The following CADM2 variants were observed in gnomAD, a reference collection of about 807,000 sequenced individuals.
CADM2 encodes cell adhesion molecule 2.
In CADM2, 12 loss-of-function variants were observed where a neutral mutation model predicts 49.8. That is an observed-to-expected ratio of 0.24 (90% CI 0.15 to 0.39). The LOEUF (loss-of-function observed/expected upper bound fraction) is 0.39, where lower values mean the gene tolerates loss of function less well. Among genes scored for constraint, CADM2 ranks in the 10% least tolerant of loss-of-function variants. The pLI is 1.00. For missense variants in CADM2, 378 were observed against 492.3 expected, an observed-to-expected ratio of 0.77 and a Z score of 2.20; for synonymous variants, 214 against 175.4, an observed-to-expected ratio of 1.22 and a Z score of -1.74.
chr3:85,760,383 C>A (rs927711140), intron 2 of CADM2, among the ~76,000 whole-genome samples: 3 of 151,294 alleles, frequency 2.0e-5, no homozygotes, highest in African/African-American at 7.3e-5. Flanking sequence ...TGAGCAGTTG[C>A]TTTTCAATTT....
rs563994349 is a variant in CADM2, at chr3:85,628,659, A to G, written c.62-97863A>G. 1.3e-3 allele frequency among the ~76,000 whole-genome samples: 200 copies of G among 148,272 alleles called. 1 individual carries two copies. Among genetic ancestry groups the G allele is most frequent in the African/African-American group, 4.7e-3 (192 of 40,646 alleles). ...TATACATATATACACACACATATGT[A>G]TATGTGTATATATACACATATATAT... On this transcript the variant is annotated intron_variant, in intron 1 of 9. Transcript: ENST00000383699.
chr3:85,806,769 A>AAACAAAAC (rs1235991062), intron 3 of CADM2, among the ~76,000 whole-genome samples: 2 of 151,786 alleles, frequency 1.3e-5, no homozygotes, highest in Non-Finnish European at 2.9e-5. Context: ...CAAACAAAAC[A>AAACAAAAC]AACAAAAAGT....
At position 85,858,433 on chromosome 3, in the gene CADM2, T is replaced by C. The variant is rs578027276; in HGVS notation, c.239-24858T>C. Among the ~76,000 whole-genome samples the C allele has an allele frequency of 3.9e-5, 6 of 152,346 alleles. No individual in the cohort carries two copies. In the East Asian group the frequency reaches 1.2e-3, roughly 29 times the overall value. On this transcript the variant is annotated intron_variant, in intron 3 of 9. Coordinates refer to ENST00000383699, the MANE Select transcript of CADM2 (RefSeq NM_001167675.2). ...GCTTAAATTACTAAAAGTTGATGGC[T>C]TTCTAAAGTAAACTAACATTGCAGA...
At position 85,420,511 on chromosome 3, in the gene CADM2, T is replaced by C. The variant is rs139217596; in HGVS notation, c.62-306011T>C. On this transcript the variant is annotated intron_variant, in intron 1 of 9. Transcript: ENST00000383699. ...TGTATGTCCCATGGGGGAAAAAAAT[T>C]ATAGCCCCAACTACTCCTCTGGAGC... Among the ~76,000 whole-genome samples the C allele has an allele frequency of 8.3e-3, 1,268 of 152,270 alleles. 17 individuals are homozygous for C. The highest frequency in any genetic ancestry group is 0.028 in the African/African-American group (1,163 of 41,548).
chr3:85,504,049 G>C (rs1387775930), intron 1 of CADM2, among the ~76,000 whole-genome samples: 1 of 152,188 alleles, frequency 6.6e-6, no homozygotes, highest in Non-Finnish European at 1.5e-5. Context: ...GTGGGTTCTT[G>C]GTCTTACTGA....
At chr3:85,306,760 A>G (rs2044221327) in intron 1 of CADM2, among the ~76,000 whole-genome samples, 1 of 151,794 alleles carries the variant, frequency 6.6e-6, no homozygotes, top group Admixed American at 6.6e-5. Context: ...CATTATATCA[A>G]CTGGAGAGAT....
intron 1 of CADM2, among the ~76,000 whole-genome samples, chr3:85,271,947 C>T (rs1434065753): frequency 1.3e-5 from 2 of 151,118 alleles, no homozygotes; most frequent in African/African-American, 4.8e-5. Flanking sequence ...TTATTTCATT[C>T]TTCTGTCATA....
At chr3:85,002,266 TCTC>T (rs1209397390) in intron 1 of CADM2, among the ~76,000 whole-genome samples, 1 of 152,134 alleles carries the variant, frequency 6.6e-6, no homozygotes, top group Non-Finnish European at 1.5e-5. Context: ...CAGAAATATT[TCTC>T]CTTCTTTACT....
intron 1 of CADM2, among the ~76,000 whole-genome samples, chr3:85,331,929 C>A (rs999791863): frequency 6.6e-6 from 1 of 152,062 alleles, no homozygotes; most frequent in African/African-American, 2.4e-5. Context: ...ACTACAGTAT[C>A]ATTTGCACAT....
chr3:84,961,875 C>G (rs1440646088), intron 1 of CADM2, among the ~76,000 whole-genome samples: 3 of 152,146 alleles, frequency 2.0e-5, no homozygotes, highest in South Asian at 4.1e-4. Flanking sequence ...CAACATTTCC[C>G]TGTGAATTGT....
chr3:85,729,019 C>G (rs2067824595), intron 2 of CADM2, among the ~76,000 whole-genome samples: 1 of 152,112 alleles, frequency 6.6e-6, no homozygotes, highest in African/African-American at 2.4e-5. Flanking sequence ...AATGTAGCAA[C>G]TAGCTCTTTG....
intron 1 of CADM2, among the ~76,000 whole-genome samples, chr3:85,666,431 A>C (rs967482024): frequency 1.3e-4 from 20 of 151,968 alleles, no homozygotes; most frequent in African/African-American, 4.1e-4. Flanking sequence ...AGAAAAAGTC[A>C]TATCTTTTCC....
intron 1 of CADM2, among the ~76,000 whole-genome samples, chr3:84,982,480 A>G (rs2032238622): frequency 6.6e-6 from 1 of 151,706 alleles, no homozygotes; most frequent in African/African-American, 2.4e-5. Flanking sequence ...TACACTAATT[A>G]CACGTTTAGG....
chr3:85,033,788 A>G (rs1312804042), intron 1 of CADM2, among the ~76,000 whole-genome samples: 2 of 152,000 alleles, frequency 1.3e-5, no homozygotes, highest in Non-Finnish European at 2.9e-5. Context: ...ATATATCAGG[A>G]TCAAAAAGAG....
chr3:85,433,854 A>G (rs1008861924), intron 1 of CADM2, among the ~76,000 whole-genome samples: 1 of 152,148 alleles, frequency 6.6e-6, no homozygotes, highest in African/African-American at 2.4e-5. Flanking sequence ...ACCAGCACAC[A>G]TACATCACAG....
intron 1 of CADM2, among the ~76,000 whole-genome samples, chr3:85,143,761 C>A (rs2107632807): frequency 6.6e-6 from 1 of 152,172 alleles, no homozygotes; most frequent in Admixed American, 6.5e-5. Flanking sequence ...CATCACTGGC[C>A]CCCCTATTTC....
chr3:85,231,531 A>G (rs1270502798), intron 1 of CADM2, among the ~76,000 whole-genome samples: 1 of 151,272 alleles, frequency 6.6e-6, no homozygotes, highest in Non-Finnish European at 1.5e-5. Flanking sequence ...TATTATAGTC[A>G]ATATTTCTCC....
intron 1 of CADM2, among the ~76,000 whole-genome samples, chr3:85,417,769 A>T: frequency 6.6e-6 from 1 of 151,990 alleles, no homozygotes; most frequent in East Asian, 1.9e-4. Context: ...ACTCCCTTAA[A>T]CTCTAATATT....
At chr3:85,890,120 G>GTGATATGAT (rs1714222920) in intron 5 of CADM2, among the ~76,000 whole-genome samples, 1 of 152,052 alleles carries the variant, frequency 6.6e-6, no homozygotes, top group Non-Finnish European at 1.5e-5. Flanking sequence ...TCTGTGGTCT[G>GTGATATGAT]TGCCTTTTCC....
Sources: allele counts gnomAD v4.1 joint callset (sites outside exome capture counted in the v4.1 genomes callset), GRCh38; gene constraint gnomAD v4.1.1; transcripts MANE v1.5; gene names NCBI Gene and HGNC (gene_info 2026-07-23, HGNC 2026-07-21).